PRP4K: variants seen among roughly 807,000 people sequenced by gnomAD.
PRP4K encodes serine/threonine-protein kinase PRP4 homolog.
At chr6:4,051,949 T>A in the PRP4K span, 1 of 1,514,830 alleles carries the variant, frequency 6.6e-7, no homozygotes, top group South Asian at 1.3e-5. Context: ...TTTTTTTTTT[T>A]ATTTTAGGCA....
chr6:4,049,548 G>T, the PRP4K span: 1 of 595,338 alleles, frequency 1.7e-6, no homozygotes, highest in Non-Finnish European at 3.0e-6. Flanking sequence ...TCTGAAGTAG[G>T]CATGCAGCTT....
chr6:4,051,564 A>G, the PRP4K span, among the ~76,000 whole-genome samples: 2 of 151,836 alleles, frequency 1.3e-5, no homozygotes, highest in Non-Finnish European at 2.9e-5. Flanking sequence ...TGATCCACCC[A>G]CTTCTGCCTC....
At chr6:4,030,335 A>G in the PRP4K span, among the ~76,000 whole-genome samples, 1 of 152,178 alleles carries the variant, frequency 6.6e-6, no homozygotes, top group Non-Finnish European at 1.5e-5. Flanking sequence ...AGACAGATGA[A>G]TTCTTAGGTT....
chr6:4,048,915 T>G, the PRP4K span: 5 of 695,600 alleles, frequency 7.2e-6, no homozygotes, highest in East Asian at 1.5e-4. Context: ...ATAAAATGCT[T>G]TTATTAAATT....
At chr6:4,048,405 C>G in the PRP4K span, among the ~76,000 whole-genome samples, 1 of 149,704 alleles carries the variant, frequency 6.7e-6, no homozygotes, top group African/African-American at 2.4e-5. Context: ...AAAGAATAAT[C>G]AGGAGTACCA....
chr6:4,024,011 C>T, the PRP4K span, among the ~76,000 whole-genome samples: 6 of 152,000 alleles, frequency 3.9e-5, no homozygotes. Flanking sequence ...GGATTACAGG[C>T]ACGTACCACC....
the PRP4K span, among the ~76,000 whole-genome samples, chr6:4,055,766 T>G: frequency 6.6e-6 from 1 of 152,268 alleles, no homozygotes; most frequent in Non-Finnish European, 1.5e-5. Flanking sequence ...TTTAACATTT[T>G]CTTGACTAAT....
the PRP4K span, among the ~76,000 whole-genome samples, chr6:4,022,535 A>G: frequency 6.6e-6 from 1 of 151,200 alleles, no homozygotes; most frequent in Non-Finnish European, 1.5e-5. Flanking sequence ...AAAGAGGTAT[A>G]GTCTCCCAGC....
At chr6:4,050,379 A>G in the PRP4K span, 1 of 661,258 alleles carries the variant, frequency 1.5e-6, no homozygotes, top group African/African-American at 1.8e-5. Flanking sequence ...TGTCATATGT[A>G]CTGGAACAAC....
At chr6:4,031,685 A>G in the PRP4K span, 1 of 1,605,618 alleles carries the variant, frequency 6.2e-7, no homozygotes, top group Non-Finnish European at 8.5e-7. Context: ...AACATAAGAA[A>G]CATAAACATT....
chr6:4,021,589 ATTCGTTGTGGGGTGGG>A, the PRP4K span: 1 of 1,379,920 alleles, frequency 7.2e-7, no homozygotes, highest in Non-Finnish European at 1.0e-6. Flanking sequence ...TTCCGGCGCG[ATTCGTTGTGGGGTGGG>A]AGGCATGGGG....
At chr6:4,048,664 C>G in the PRP4K span, among the ~76,000 whole-genome samples, 1 of 151,992 alleles carries the variant, frequency 6.6e-6, no homozygotes, top group Non-Finnish European at 1.5e-5. Flanking sequence ...AATTCCTGAG[C>G]TCAAGCGATC....
chr6:4,045,921 A>G, the PRP4K span, among the ~76,000 whole-genome samples: 19 of 152,214 alleles, frequency 1.2e-4, no homozygotes, highest in African/African-American at 4.6e-4. Flanking sequence ...TCATGTATGC[A>G]TGTATGTGTG....
chr6:4,040,909 A>C, the PRP4K span: 1 of 1,613,272 alleles, frequency 6.2e-7, no homozygotes, highest in Non-Finnish European at 8.5e-7. Flanking sequence ...GTTGAGCAGG[A>C]ATCTTCGTCT....
chr6:4,056,815 C>G, the PRP4K span: 1 of 1,209,830 alleles, frequency 8.3e-7, no homozygotes, highest in South Asian at 1.5e-5. Context: ...TTCTTTTGCC[C>G]TTTAAGTTCC....
chr6:4,047,322 AAG>A, the PRP4K span: 3 of 1,148,288 alleles, frequency 2.6e-6, no homozygotes, highest in Non-Finnish European at 3.8e-6. Context: ...CATATAGAGA[AAG>A]AAGAATAAAG....
At chr6:4,056,217 C>A in the PRP4K span, 1 of 721,738 alleles carries the variant, frequency 1.4e-6, no homozygotes, top group Non-Finnish European at 2.3e-6. Context: ...TGTCTTTGTT[C>A]TCAGTATTGG....
chr6:4,058,199 A>G, the PRP4K span, among the ~76,000 whole-genome samples: 3 of 152,298 alleles, frequency 2.0e-5, no homozygotes, highest in South Asian at 4.1e-4. Context: ...ATTTTTTTGT[A>G]GAGATGGAGT....
the PRP4K span, chr6:4,032,149 A>G: frequency 6.2e-7 from 1 of 1,613,572 alleles, no homozygotes; most frequent in Non-Finnish European, 8.5e-7. Context: ...GTTAAAGAGA[A>G]AACAACTAGG....
Sources: gnomAD v4.1 joint callset for allele counts (sites outside exome capture counted in the v4.1 genomes callset) on GRCh38, gnomAD v4.1.1 for gene constraint, MANE v1.5 for transcripts, NCBI Gene and HGNC (gene_info 2026-07-23, HGNC 2026-07-21) for gene names.